The following LRRC74A variants were observed in gnomAD, a reference collection of about 807,000 sequenced individuals.
LRRC74A encodes the protein leucine rich repeat containing 74A.
LRRC74A carries 44 observed loss-of-function variants against 57.9 expected under a neutral mutation model. That is an observed-to-expected ratio of 0.76 (90% CI 0.60 to 0.98). The LOEUF is 0.98. Ranked by LOEUF, LRRC74A falls within the 50% of genes least tolerant of loss-of-function variation. The pLI, the probability that LRRC74A is intolerant of heterozygous loss-of-function variation, is 0.00. For synonymous variants in LRRC74A, 211 were observed against 219.4 expected (o/e 0.96, Z 0.34); for missense variants, 572 against 574.0 (o/e 1.00, Z 0.04).
intron 11 of LRRC74A, among the ~76,000 whole-genome samples, chr14:76,863,185 AGTGTGTGTGTGTGTGTGTGT>A (rs112669509): frequency 6.9e-6 from 1 of 145,206 alleles, no homozygotes; most frequent in Admixed American, 6.9e-5. Context: ...CATGCATGTG[AGTGTGTGTGTGTGTGTGTGT>A]GTGTGTGTGT....
At chr14:76,846,120 C>CA (rs1897104492) in intron 7 of LRRC74A, among the ~76,000 whole-genome samples, 1 of 152,128 alleles carries the variant, frequency 6.6e-6, no homozygotes, top group Admixed American at 6.5e-5. Flanking sequence ...ATCCTTAGCT[C>CA]AATTAGACAA....
At chr14:76,838,568 T>A (rs891165492) in intron 5 of LRRC74A, among the ~76,000 whole-genome samples, 1 of 152,134 alleles carries the variant, frequency 6.6e-6, no homozygotes, top group African/African-American at 2.4e-5. Flanking sequence ...AAGAAATGAA[T>A]GAGCAGCAAT....
chr14:76,863,345 T>A (rs1898479002), intron 11 of LRRC74A, among the ~76,000 whole-genome samples: 1 of 152,148 alleles, frequency 6.6e-6, no homozygotes, highest in Admixed American at 6.5e-5. Context: ...ACCTGGCCCT[T>A]ACTGTCTCTC....
intron 13 of LRRC74A, 124 bp from the exon 14 acceptor site, chr14:76,870,001 C>A: frequency 1.0e-6 from 1 of 965,230 alleles, no homozygotes; most frequent in Non-Finnish European, 1.6e-6. Flanking sequence ...AACAGCATGA[C>A]CTCTAAGGCC....
In LRRC74A at chr14:76,853,838, C is replaced by T. The variant is rs568580013; in HGVS notation, c.957+428C>T. ...TACAATCTTGGCTCACTGCAACCTCCGCCTCCCAGGTTCAAACCATCCTCC... is the reference window on the plus strand; with the variant it reads ...TACAATCTTGGCTCACTGCAACCTCTGCCTCCCAGGTTCAAACCATCCTCC... On this transcript the variant is annotated intron_variant, in intron 9 of 13. Coordinates refer to ENST00000689127, the MANE Select transcript of LRRC74A (RefSeq NM_001385106.1). Among the ~76,000 whole-genome samples the T allele has an allele frequency of 1.4e-3, 212 of 152,152 alleles. 1 individual carries two copies. The highest frequency in any genetic ancestry group is 4.8e-3 in the African/African-American group (199 of 41,490).
In LRRC74A at chr14:76,828,429, G is replaced by A. The variant is rs1595335277; in HGVS notation, c.166+10G>A. On this transcript the variant is annotated intron_variant, in intron 2 of 13. Transcript: ENST00000689127. ...GACCTGGAGATTGAAGGCGAGCATG[G>A]GCATTTGGGGGCAGTCAGGGCAGCT... is the stretch of plus-strand genomic sequence containing the variant. 6.2e-7 allele frequency: 1 copy of A among 1,613,888 alleles called. No individual in the cohort carries two copies. The highest frequency in any genetic ancestry group is 1.1e-5 in the South Asian group (1 of 91,080).
At position 76,841,258 on chromosome 14, in the gene LRRC74A, T is replaced by C. The variant is rs181047283; in HGVS notation, c.545-3165T>C. On this transcript the variant is annotated intron_variant, in intron 5 of 13. Coordinates refer to ENST00000689127, the MANE Select transcript of LRRC74A (RefSeq NM_001385106.1). ...AGTTTTGCCATGTTGGCCAGGCTGGTCTCGAACTCCTGACCTCAAGTGATC... is the reference window on the plus strand; with the variant it reads ...AGTTTTGCCATGTTGGCCAGGCTGGCCTCGAACTCCTGACCTCAAGTGATC... 3.6e-3 allele frequency among the ~76,000 whole-genome samples: 553 copies of C among 152,160 alleles called. 2 individuals are homozygous for C. The highest frequency in any genetic ancestry group is 0.013 in the African/African-American group (534 of 41,520).
chr14:76,839,490 C>T (rs12893724), intron 5 of LRRC74A, among the ~76,000 whole-genome samples: 96,674 of 152,078 alleles, frequency 0.64, 31,028 homozygotes, highest in East Asian at 0.89. Context: ...AATTATATTA[C>T]CTCAGATGGT....
intron 5 of LRRC74A, among the ~76,000 whole-genome samples, chr14:76,842,032 G>C (rs1896812093): frequency 6.6e-6 from 1 of 151,956 alleles, no homozygotes; most frequent in Admixed American, 6.6e-5. Context: ...TTACATTCTT[G>C]AGTAAAGTTT....
intron 5 of LRRC74A, among the ~76,000 whole-genome samples, chr14:76,842,844 G>C (rs1284805413): frequency 6.6e-6 from 1 of 152,174 alleles, no homozygotes; most frequent in East Asian, 1.9e-4. Context: ...CACAACTCAG[G>C]TAAGGTGAGT....
chr14:76,838,902 T>C (rs1376161842), intron 5 of LRRC74A, among the ~76,000 whole-genome samples: 1 of 152,174 alleles, frequency 6.6e-6, no homozygotes, highest in Non-Finnish European at 1.5e-5. Flanking sequence ...TGCCCAGCCT[T>C]AGTTCGTGTA....
At position 76,828,430 on chromosome 14, in the gene LRRC74A, G is replaced by T; in HGVS notation, c.166+11G>T. On this transcript the variant is annotated intron_variant, in intron 2 of 13. Transcript: ENST00000689127. ...ACCTGGAGATTGAAGGCGAGCATGG[G>T]CATTTGGGGGCAGTCAGGGCAGCTT... 1 of 1,613,860 alleles carries T rather than the reference G, an allele frequency of 6.2e-7. No homozygotes were observed. The highest frequency in any genetic ancestry group is 8.5e-7 in the Non-Finnish European group (1 of 1,179,798).
intron 7 of LRRC74A, among the ~76,000 whole-genome samples, chr14:76,849,365 C>T (rs928599317): frequency 2.6e-5 from 4 of 151,752 alleles, no homozygotes; most frequent in African/African-American, 9.7e-5. Flanking sequence ...CCATGTTGGC[C>T]AGGATGGTCT....
At chr14:76,862,300 C>T (rs189056926) in intron 11 of LRRC74A, among the ~76,000 whole-genome samples, 6 of 152,144 alleles carry the variant, frequency 3.9e-5, no homozygotes, top group South Asian at 2.1e-4. Flanking sequence ...GAGGCCAAAG[C>T]GGGTGGATCA....
Position 76,844,803 on chromosome 14 carries a change from CCT to C in LRRC74A, c.595-16_595-15del. On this transcript the variant is annotated splice_polypyrimidine_tract_variant and intron_variant, in intron 6 of 13. Transcript: ENST00000689127. ...GAAGACAAAAAATCCTTCTCTTTCC[CCT>C]GTTTGTTTCTGTAGACCAATTACCA... 7.2e-7 allele frequency: 1 copy of C among 1,393,500 alleles called. No individual in the cohort carries two copies. The highest frequency in any genetic ancestry group is 1.0e-6 in the Non-Finnish European group (1 of 980,636). 86.3% of individuals were successfully genotyped at this position (1,393,500 alleles called of 1,614,324 possible).
intron 2 of LRRC74A, chr14:76,828,984 C>A: frequency 7.8e-7 from 1 of 1,286,542 alleles, no homozygotes; most frequent in Non-Finnish European, 1.0e-6. Flanking sequence ...TCTGGTTTCC[C>A]CTACTTTTCT....
intron 5 of LRRC74A, among the ~76,000 whole-genome samples, chr14:76,843,913 C>G (rs764931027): frequency 6.6e-6 from 1 of 152,054 alleles, no homozygotes; most frequent in Non-Finnish European, 1.5e-5. Context: ...ATTGGCCAGA[C>G]TGGTCTCGAA....
intron 7 of LRRC74A, 145 bp downstream of exon 7, chr14:76,845,046 G>C: frequency 1.7e-6 from 1 of 605,038 alleles, no homozygotes. Context: ...TTCAGAATTT[G>C]GGTGCAGTGG....
At chr14:76,850,477 C>G (rs575321973) in intron 7 of LRRC74A, among the ~76,000 whole-genome samples, 141 of 151,994 alleles carry the variant, frequency 9.3e-4, no homozygotes, top group Admixed American at 3.2e-3. Flanking sequence ...AAGTTTGTTC[C>G]CAAAATTATA....
Sources: gnomAD v4.1 joint callset for allele counts (sites outside exome capture counted in the v4.1 genomes callset) on GRCh38, gnomAD v4.1.1 for gene constraint, MANE v1.5 for transcripts, NCBI Gene and HGNC (gene_info 2026-07-23, HGNC 2026-07-21) for gene names.